Variants in REV1 observed in about 807,000 individuals in gnomAD.
The protein encoded by REV1 is REV1 DNA directed polymerase.
A neutral mutation model predicts 137.4 loss-of-function variants in REV1; 42 were observed. The ratio of observed to expected loss-of-function variants is 0.31; its 90% CI spans 0.24 to 0.40. The LOEUF is 0.40. Among genes scored for constraint, REV1 ranks in the 10% least tolerant of loss-of-function variants. REV1 has a pLI of 1.00. For missense variants in REV1, 1,282 were observed against 1,490.1 expected (o/e 0.86, Z 2.30); for synonymous variants, 524 against 519.2 (o/e 1.01, Z -0.12).
chr2:99,435,836 T>C lies in REV1; in HGVS notation c.1319A>G (p.Lys440Arg), dbSNP rs769258226. Reference protein sequence around the residue: ...SVGIRNRPDLKGKPVAVTSNR... With the variant: ...SVGIRNRPDLRGKPVAVTSNR... ...AAAACATAAGCAAGAATACAGACCTTTGAGATCTGGTCTATTTCGTATACC... is the reference window on the plus strand; with the variant it reads ...AAAACATAAGCAAGAATACAGACCTCTGAGATCTGGTCTATTTCGTATACC... The change falls in exon 7 of 23, where the codon AAA (lysine) becomes AGA (arginine). Residue 440 changes from lysine to arginine, a missense_variant and splice_region_variant. Around this residue, in one of 7 missense-constraint regions of REV1, gnomAD observed 432 missense variants for 438.0 expected, o/e 0.99. Transcript: ENST00000258428. The C allele has an allele frequency of 8.0e-6, 12 of 1,505,080 alleles. 1 individual carries two copies. In the South Asian group the frequency reaches 1.3e-4, roughly 16 times the overall value. The allele number at this position is 1,505,080 out of a possible 1,614,324, so 93.2% of individuals were successfully genotyped here.
At chr2:99,479,702 C>T (rs764498977) in intron 1 of REV1, among the ~76,000 whole-genome samples, 2 of 151,880 alleles carry the variant, frequency 1.3e-5, no homozygotes, top group Non-Finnish European at 2.9e-5. Context: ...GTGGGAGGAT[C>T]GCTTGAGCCT....
chr2:99,439,269 T>C lies in REV1; in HGVS notation c.545A>G (p.Lys182Arg). The C allele has an allele frequency of 1.2e-6, 2 of 1,613,784 alleles. No individual in the cohort carries two copies. The highest frequency in any genetic ancestry group is 1.7e-6 in the Non-Finnish European group (2 of 1,179,726). ...ATTCCAACTGTTCATGCCATTGACT[T>C]TGACTTCATTTTCCGTTTCAATCTT... ...VKKIETENEV[K>R]VNGMNSWNEE... The change falls in exon 6 of 23, where the codon AAA becomes AGA. Residue 182 changes from lysine to arginine, a missense_variant. By Grantham distance (26) the Lys-to-Arg change is conservative. This residue lies in a region of REV1 where 432 missense variants were observed against 438.0 expected (regional missense o/e 0.99). Transcript: ENST00000258428.
chr2:99,454,699 C>T (rs1309529554), intron 3 of REV1, among the ~76,000 whole-genome samples: 1 of 151,480 alleles, frequency 6.6e-6, no homozygotes, highest in African/African-American at 2.4e-5. Context: ...GAGCTATGAT[C>T]AGTCTACTGC....
chr2:99,449,244 G>T, intron 4 of REV1, 92 bp downstream of exon 4: 2 of 727,942 alleles, frequency 2.7e-6, no homozygotes, highest in African/African-American at 1.9e-5. Context: ...TAGCCTGGGC[G>T]ACAAAGCGAG....
In REV1 at chr2:99,424,217, T is replaced by C. The variant is rs1274431290; in HGVS notation, c.1611A>G (p.Gln537=). ...GHAKQLCPNL[Q]AVPYDFHAYK... The stretch of plus-strand genomic sequence containing the variant: ...ATGCATGAAAATCGTATGGAACAGC[T>C]TGAAGATTAGGACATAGTTGTTTAG... Residue 537 remains glutamine (Q), a synonymous_variant, in exon 10 of 23, where the codon CAA becomes CAG. Transcript: ENST00000258428. 1.2e-6 allele frequency: 2 copies of C among 1,613,930 alleles called. No individual in the cohort carries two copies. Among genetic ancestry groups the C allele is most frequent in the East Asian group, 2.2e-5 (1 of 44,880 alleles).
At position 99,468,727 on chromosome 2, in the gene REV1, C is replaced by CA. The variant is rs1257060219; in HGVS notation, c.-10-3743dup. On this transcript the variant is annotated intron_variant, in intron 1 of 22. Coordinates refer to ENST00000258428, the MANE Select transcript of REV1 (RefSeq NM_016316.4). ...AACAGGGCAGCCAATTACTGTGTTT[C>CA]AAAAAATTAGTTTAAAAAACGGATG... Among the ~76,000 whole-genome samples the CA allele has an allele frequency of 2.6e-5, 4 of 152,220 alleles. No individual in the cohort carries two copies. The East Asian group carries it at 5.8e-4, about 22-fold the overall frequency.
At chr2:99,410,584 C>G in intron 14 of REV1, 111 bp downstream of exon 14, 1 of 919,598 alleles carries the variant, frequency 1.1e-6, no homozygotes, top group East Asian at 2.7e-5. Flanking sequence ...ACCAGATTAA[C>G]GGGTTTACAG....
intron 1 of REV1, among the ~76,000 whole-genome samples, chr2:99,470,120 C>CA (rs1199259429): frequency 0.017 from 1,842 of 107,948 alleles, 9 homozygotes; most frequent in Middle Eastern, 0.046. Context: ...GACTCCATCT[C>CA]AAAAAAAAAA....
intron 4 of REV1, among the ~76,000 whole-genome samples, chr2:99,448,094 C>G (rs1346709307): frequency 6.6e-6 from 1 of 152,208 alleles, no homozygotes; most frequent in African/African-American, 2.4e-5. Flanking sequence ...CCAGGCCCAG[C>G]CTTTTCCACC....
intron 15 of REV1, among the ~76,000 whole-genome samples, chr2:99,407,550 C>CA (rs960279383): frequency 0.036 from 5,061 of 139,640 alleles, 145 homozygotes; most frequent in African/African-American, 0.083. Flanking sequence ...AAAACTGTCT[C>CA]AAAAAAAAAA....
intron 9 of REV1, among the ~76,000 whole-genome samples, chr2:99,428,159 G>A (rs1215367862): frequency 2.6e-5 from 4 of 152,096 alleles, no homozygotes; most frequent in East Asian, 1.9e-4. Flanking sequence ...AAGGGTAAAC[G>A]GAGCTCGCAT....
At chr2:99,426,979 T>C (rs1397153755) in intron 9 of REV1, among the ~76,000 whole-genome samples, 1 of 152,120 alleles carries the variant, frequency 6.6e-6, no homozygotes, top group Non-Finnish European at 1.5e-5. Context: ...GGTCAGGAGT[T>C]CAAGACCAGC....
intron 16 of REV1, 50 bp downstream of exon 16, chr2:99,406,275 C>T (rs1676283488): frequency 6.5e-7 from 1 of 1,529,902 alleles, no homozygotes; most frequent in Non-Finnish European, 8.8e-7. Context: ...TGCCGTCTTT[C>T]CAAGGACATA....
chr2:99,419,387 G>C (rs1678354897), intron 11 of REV1, among the ~76,000 whole-genome samples: 2 of 151,812 alleles, frequency 1.3e-5, no homozygotes, highest in African/African-American at 2.4e-5. Flanking sequence ...TAATTTTTCT[G>C]TATTTTTACA....
chr2:99,449,511 A>G lies in REV1; in HGVS notation c.182-7T>C. 2 of 1,400,518 alleles carry G rather than the reference A, an allele frequency of 1.4e-6. No individual in the cohort carries two copies. Among genetic ancestry groups the G allele is most frequent in the Non-Finnish European group, 9.4e-7 (1 of 1,064,066 alleles). 86.8% of individuals were successfully genotyped at this position (1,400,518 alleles called of 1,614,324 possible). On this transcript the variant is annotated splice_polypyrimidine_tract_variant and splice_region_variant and intron_variant, in intron 3 of 22. Transcript: ENST00000258428. ...AATTCCTCAGCGGAAGGATCTGCAA[A>G]ATTTATATTAAAATATATTAAGAGT...
chr2:99,466,028 G>A lies in REV1; in HGVS notation c.-10-1043C>T, dbSNP rs184725752. The stretch of plus-strand genomic sequence containing the variant: ...GCAATCTCGGCTCACTGCAAGCTCC[G>A]CCTCCCGGGTTCACACCATTCTCCT... On this transcript the variant is annotated intron_variant, in intron 1 of 22. Coordinates refer to ENST00000258428, the MANE Select transcript of REV1 (RefSeq NM_016316.4). Among the ~76,000 whole-genome samples the A allele has an allele frequency of 2.5e-3, 378 of 152,122 alleles. 7 individuals carry two copies. The highest frequency in any genetic ancestry group is 3.1e-3 in the East Asian group (16 of 5,180).
chr2:99,476,409 A>G (rs1475257827), intron 1 of REV1, among the ~76,000 whole-genome samples: 1 of 152,090 alleles, frequency 6.6e-6, no homozygotes, highest in Non-Finnish European at 1.5e-5. Flanking sequence ...TACAAAAATT[A>G]GCCGGGCATG....
intron 1 of REV1, among the ~76,000 whole-genome samples, chr2:99,488,598 G>C (rs1177899705): frequency 6.6e-6 from 1 of 152,220 alleles, no homozygotes; most frequent in African/African-American, 2.4e-5. Context: ...AACTTTAGGT[G>C]AGCTCTTAAG....
chr2:99,436,990 G>GTTTTTT (rs749608176), intron 6 of REV1, among the ~76,000 whole-genome samples: 1 of 128,914 alleles, frequency 7.8e-6, no homozygotes, highest in African/African-American at 2.9e-5. Flanking sequence ...CTTTTTTTTT[G>GTTTTTT]TTTTTTTTTT....
Sources: allele counts gnomAD v4.1 joint callset (sites outside exome capture counted in the v4.1 genomes callset), GRCh38; gene constraint gnomAD v4.1.1; regional missense constraint gnomAD v4.1.1; transcripts MANE v1.5; gene names NCBI Gene and HGNC (gene_info 2026-07-23, HGNC 2026-07-21).